Variants in PPHLN1 observed in about 807,000 individuals in gnomAD.
PPHLN1 encodes periphilin 1.
A neutral mutation model predicts 51.3 loss-of-function variants in PPHLN1; 29 were observed. The ratio of observed to expected loss-of-function variants is 0.57; its 90% CI spans 0.42 to 0.77. PPHLN1 has a LOEUF of 0.77. Ranked by LOEUF, PPHLN1 falls within the 30% of genes least tolerant of loss-of-function variation. PPHLN1 has a pLI of 0.00. For missense variants in PPHLN1, 436 were observed against 438.4 expected (o/e 0.99, Z 0.05); for synonymous variants, 147 against 147.8 (o/e 0.99, Z 0.04).
At chr12:42,363,731 C>T (rs1245034836) in intron 4 of PPHLN1, among the ~76,000 whole-genome samples, 3 of 152,032 alleles carry the variant, frequency 2.0e-5, no homozygotes, top group Admixed American at 6.6e-5. Context: ...GTGTCATCAC[C>T]TGCTCGTCTT....
Position 42,335,880 on chromosome 12 carries a change from TAGTGGC to T in PPHLN1, c.-20-2_-17del, listed in dbSNP as rs2070564460. 1.3e-6 allele frequency: 2 copies of T among 1,512,138 alleles called. No homozygotes were observed. The highest frequency in any genetic ancestry group is 4.1e-5 in the Admixed American group (2 of 49,302). 93.7% of individuals were successfully genotyped at this position (1,512,138 alleles called of 1,614,324 possible). ...AATCCATAATTCTTTTTTTTTTCTT[TAGTGGC>T]TTACAGAAGAGACGAAATGTGGTCT... On this transcript the variant is annotated splice_acceptor_variant and 5_prime_UTR_variant, in exon 2 of 10. Transcript: ENST00000358314. LOFTEE classifies it low-confidence loss of function (5UTR_SPLICE).
At chr12:42,428,486 TTA>T (rs1355133821) in intron 9 of PPHLN1, among the ~76,000 whole-genome samples, 1 of 152,142 alleles carries the variant, frequency 6.6e-6, no homozygotes, top group Non-Finnish European at 1.5e-5. Flanking sequence ...TTGGAGACTG[TTA>T]TTCTAAGTGA....
chr12:42,446,457 G>C, downstream of PPHLN1: 1 of 1,341,570 alleles, frequency 7.5e-7, no homozygotes, highest in South Asian at 1.5e-5. Flanking sequence ...GGGTTCCTCA[G>C]TAACAGCCAT....
At chr12:42,404,528 T>TCAACAACAACAA (rs143140913) in intron 9 of PPHLN1, among the ~76,000 whole-genome samples, 74 of 151,010 alleles carry the variant, frequency 4.9e-4, no homozygotes, top group East Asian at 3.6e-3. Context: ...AAACTCCGTC[T>TCAACAACAACAA]CAACAACAAC....
chr12:42,377,618 T>C lies in PPHLN1; in HGVS notation c.511+2544T>C, dbSNP rs543335760. Among the ~76,000 whole-genome samples the C allele has an allele frequency of 1.6e-3, 243 of 152,274 alleles. 1 individual carries two copies. Among genetic ancestry groups the C allele is most frequent in the Non-Finnish European group, 2.7e-3 (182 of 68,016 alleles). ...TGTGCTCTGCCCTTACGACCTGTTT[T>C]TGGGATGTGTATGACTTAAATCCAT... On this transcript the variant is annotated intron_variant, in intron 5 of 9. Coordinates refer to ENST00000358314, the MANE Select transcript of PPHLN1 (RefSeq NM_201439.2).
At position 42,369,567 on chromosome 12, in the gene PPHLN1, T is replaced by G. The variant is rs551727369; in HGVS notation, c.300-5296T>G. ...TCTGTTCTAAATTTTTAACATATAT[T>G]ATTTTGTTTATTCCTCACATCAACT... is the stretch of plus-strand genomic sequence containing the variant. On this transcript the variant is annotated intron_variant, in intron 4 of 9. Coordinates refer to ENST00000358314, the MANE Select transcript of PPHLN1 (RefSeq NM_201439.2). Among the ~76,000 whole-genome samples, 5 of 152,310 alleles carry G rather than the reference T, an allele frequency of 3.3e-5. No homozygotes were observed. In the East Asian group the frequency reaches 5.8e-4, roughly 18 times the overall value.
chr12:42,343,920 C>T (rs2071876417), intron 2 of PPHLN1: 1 of 443,686 alleles, frequency 2.3e-6, no homozygotes, highest in Non-Finnish European at 4.5e-6. Context: ...TGAAATAAAT[C>T]AACAAGTGCT....
In PPHLN1 at chr12:42,393,477, T is replaced by C. The variant is rs1232641295; in HGVS notation, c.649-93T>C. 3.2e-6 allele frequency: 4 copies of C among 1,262,064 alleles called. 1 individual carries two copies. The highest frequency in any genetic ancestry group is 2.5e-5 in the East Asian group (1 of 40,034). 78.2% of individuals were successfully genotyped at this position (1,262,064 alleles called of 1,614,324 possible). On this transcript the variant is annotated intron_variant, in intron 7 of 9. Coordinates refer to ENST00000358314, the MANE Select transcript of PPHLN1 (RefSeq NM_201439.2). Reference sequence around the variant, plus strand: ...TTCTCCATAGAAATTTGGAGGCTTATATGATTTTAAATGTAAGTGGAGTGT... The same window carrying C: ...TTCTCCATAGAAATTTGGAGGCTTACATGATTTTAAATGTAAGTGGAGTGT...
At chr12:42,396,527 G>C (rs1354783754) in intron 8 of PPHLN1, among the ~76,000 whole-genome samples, 5 of 145,804 alleles carry the variant, frequency 3.4e-5, no homozygotes, top group Non-Finnish European at 7.4e-5. Context: ...ATATTAGAAT[G>C]TCCTGGTAGA....
intron 5 of PPHLN1, among the ~76,000 whole-genome samples, chr12:42,384,557 G>A (rs929988249): frequency 6.6e-6 from 1 of 152,288 alleles, no homozygotes; most frequent in East Asian, 1.9e-4. Flanking sequence ...GCCTTCCAGT[G>A]TCAGCTTTAT....
chr12:42,390,484 A>T (rs1373095461), intron 7 of PPHLN1, among the ~76,000 whole-genome samples: 1 of 151,974 alleles, frequency 6.6e-6, no homozygotes, highest in Non-Finnish European at 1.5e-5. Flanking sequence ...TATAAGTTAC[A>T]ACATAGAGTT....
chr12:42,429,358 A>C (rs1473749912), intron 9 of PPHLN1, among the ~76,000 whole-genome samples: 1 of 152,204 alleles, frequency 6.6e-6, no homozygotes, highest in Non-Finnish European at 1.5e-5. Flanking sequence ...TTTAAGTCTA[A>C]GAATTTGGTC....
chr12:42,354,587 T>C (rs2073825900), intron 3 of PPHLN1, among the ~76,000 whole-genome samples: 1 of 152,202 alleles, frequency 6.6e-6, no homozygotes, highest in Admixed American at 6.6e-5. Context: ...CAAATATGTC[T>C]TAGAGAACAA....
chr12:42,443,681 G>A (rs1175330598), downstream of PPHLN1: 1 of 152,090 alleles, frequency 6.6e-6, no homozygotes, highest in East Asian at 1.9e-4. Flanking sequence ...GCCCATTTTC[G>A]TCATTCCCAA....
intron 4 of PPHLN1, among the ~76,000 whole-genome samples, chr12:42,369,824 TCCTCATTTACACCA>T (rs1303406305): frequency 2.6e-5 from 4 of 152,204 alleles, no homozygotes; most frequent in Non-Finnish European, 5.9e-5. Flanking sequence ...ACTTTGAACG[TCCTCATTTACACCA>T]CCCTGTCTTA....
intron 2 of PPHLN1, chr12:42,351,347 A>T (rs1245265783): frequency 6.6e-6 from 1 of 152,214 alleles, no homozygotes; most frequent in African/African-American, 2.4e-5. Flanking sequence ...CAAATTTTAT[A>T]TCAGCTTTTA....
intron 9 of PPHLN1, among the ~76,000 whole-genome samples, chr12:42,440,904 A>G (rs1430953072): frequency 6.6e-6 from 1 of 152,248 alleles, no homozygotes; most frequent in Non-Finnish European, 1.5e-5. Flanking sequence ...TTATCTGATC[A>G]TGATTCAAAC....
At chr12:42,366,452 T>C (rs1221779072) in intron 4 of PPHLN1, among the ~76,000 whole-genome samples, 1 of 152,144 alleles carries the variant, frequency 6.6e-6, no homozygotes, top group African/African-American at 2.4e-5. Flanking sequence ...GGTCTGGAAC[T>C]CCTGAACTCA....
At chr12:42,387,592 C>T in intron 7 of PPHLN1, 57 bp downstream of exon 7, 3 of 1,579,976 alleles carry the variant, frequency 1.9e-6, no homozygotes, top group Non-Finnish European at 2.6e-6. Context: ...GATGGACTGA[C>T]TAGTACAGAT....
Sources: allele counts gnomAD v4.1 joint callset (sites outside exome capture counted in the v4.1 genomes callset), GRCh38; gene constraint gnomAD v4.1.1; transcripts MANE v1.5; gene names NCBI Gene and HGNC (gene_info 2026-07-23, HGNC 2026-07-21).